The following HIPK2 variants were observed in gnomAD, a reference collection of about 807,000 sequenced individuals.
HIPK2 encodes homeodomain interacting protein kinase 2.
In HIPK2, 27 loss-of-function variants were observed where a neutral mutation model predicts 113.7. The ratio of observed to expected loss-of-function variants is 0.24; its 90% CI spans 0.17 to 0.33. The LOEUF is 0.33. Ranked by LOEUF, HIPK2 falls within the 10% of genes least tolerant of loss-of-function variation. The probability of loss-of-function intolerance (pLI) is 1.00; values close to 1 mark genes in which losing one functional copy is unlikely to be tolerated. For synonymous variants in HIPK2, 631 were observed against 642.2 expected (o/e 0.98, Z 0.26); for missense variants, 1,257 against 1,588.0 (o/e 0.79, Z 3.54).
At chr7:139,752,125 T>C (rs1333101174) in intron 1 of HIPK2, among the ~76,000 whole-genome samples, 1 of 152,210 alleles carries the variant, frequency 6.6e-6, no homozygotes, top group Non-Finnish European at 1.5e-5. Flanking sequence ...CTAAATACCT[T>C]TTCTCTAAGA....
At chr7:139,760,218 A>G (rs1796441927) in intron 1 of HIPK2, among the ~76,000 whole-genome samples, 1 of 152,104 alleles carries the variant, frequency 6.6e-6, no homozygotes, top group South Asian at 2.1e-4. Flanking sequence ...GTTAGCCAGG[A>G]TGGTCTCAAT....
intron 1 of HIPK2, among the ~76,000 whole-genome samples, chr7:139,717,814 G>A (rs529743397): frequency 6.6e-6 from 1 of 151,938 alleles, no homozygotes; most frequent in Non-Finnish European, 1.5e-5. Flanking sequence ...GCATGATCTC[G>A]GCTCACTGCC....
chr7:139,616,001 G>A (rs756805375), intron 7 of HIPK2, among the ~76,000 whole-genome samples: 8 of 152,086 alleles, frequency 5.3e-5, no homozygotes, highest in Non-Finnish European at 1.0e-4. Context: ...TCCATATCGC[G>A]ATCTCTTCCG....
intron 1 of HIPK2, among the ~76,000 whole-genome samples, chr7:139,750,153 G>A (rs1287781249): frequency 6.6e-6 from 1 of 152,148 alleles, no homozygotes; most frequent in Non-Finnish European, 1.5e-5. Context: ...GGTGTCCCTG[G>A]GTAAATGGTG....
intron 2 of HIPK2, among the ~76,000 whole-genome samples, chr7:139,636,190 A>C (rs953621067): frequency 3.3e-5 from 5 of 151,890 alleles, no homozygotes; most frequent in Non-Finnish European, 7.4e-5. Flanking sequence ...TCCTGCCCTG[A>C]AACACTTATT....
At chr7:139,777,499 TG>T in intron 1 of HIPK2, 105 bp downstream of exon 1, 1 of 336,818 alleles carries the variant, frequency 3.0e-6, no homozygotes, top group Non-Finnish European at 4.2e-6. Context: ...GGGTGGGGGC[TG>T]GGGCAGGCGC....
intron 2 of HIPK2, among the ~76,000 whole-genome samples, chr7:139,650,669 C>T (rs1190774294): frequency 2.0e-5 from 3 of 152,194 alleles, no homozygotes; most frequent in African/African-American, 7.2e-5. Context: ...GCAGAAATGA[C>T]AATGTGTGGC....
At chr7:139,691,813 A>G (rs1417919393) in intron 2 of HIPK2, among the ~76,000 whole-genome samples, 2 of 152,258 alleles carry the variant, frequency 1.3e-5, no homozygotes, top group South Asian at 4.1e-4. Flanking sequence ...TGATTAAATG[A>G]AACTGTATAC....
Position 139,620,652 on chromosome 7 carries a change from A to G in HIPK2, c.1620-89T>C, listed in dbSNP as rs536093902. 1.4e-4 allele frequency: 203 copies of G among 1,498,116 alleles called. No individual in the cohort carries two copies. The African/African-American group carries it at 2.7e-3, about 20-fold the overall frequency. 92.8% of individuals were successfully genotyped at this position (1,498,116 alleles called of 1,614,324 possible). On this transcript the variant is annotated intron_variant, in intron 6 of 14. Coordinates refer to ENST00000406875, the MANE Select transcript of HIPK2 (RefSeq NM_022740.5). ...TGAAGGGGAGAAAACAAAGGAAAGG[A>G]GAGAAGGGTTAATTCAGTAAACAGG...
At chr7:139,609,926 T>C (rs1799756303) in intron 9 of HIPK2, among the ~76,000 whole-genome samples, 1 of 152,232 alleles carries the variant, frequency 6.6e-6, no homozygotes, top group Non-Finnish European at 1.5e-5. Flanking sequence ...CATCAACTTA[T>C]TTAACCAATC....
intron 2 of HIPK2, among the ~76,000 whole-genome samples, chr7:139,655,429 C>T (rs1585335436): frequency 6.6e-6 from 1 of 152,220 alleles, no homozygotes. Flanking sequence ...CTGCTGCCTG[C>T]AGTTCTGCAG....
intron 7 of HIPK2, among the ~76,000 whole-genome samples, chr7:139,619,317 A>G (rs1250055861): frequency 6.6e-6 from 1 of 152,208 alleles, no homozygotes; most frequent in African/African-American, 2.4e-5. Flanking sequence ...TTCCAGATTG[A>G]TATTAAGAAC....
intron 1 of HIPK2, among the ~76,000 whole-genome samples, chr7:139,767,893 G>A (rs1796578581): frequency 6.6e-6 from 1 of 152,244 alleles, no homozygotes; most frequent in Admixed American, 6.5e-5. Context: ...CAAGGCCCAA[G>A]CTCACCCCTC....
chr7:139,765,389 C>A (rs1796537005), intron 1 of HIPK2, among the ~76,000 whole-genome samples: 1 of 152,182 alleles, frequency 6.6e-6, no homozygotes, highest in African/African-American at 2.4e-5. Flanking sequence ...AGCTTCTAAT[C>A]TTAGAAATTT....
At chr7:139,722,709 C>A (rs995583866) in intron 1 of HIPK2, among the ~76,000 whole-genome samples, 1 of 151,874 alleles carries the variant, frequency 6.6e-6, no homozygotes, top group African/African-American at 2.4e-5. Context: ...TATGCTTACC[C>A]TGTTAGGCCA....
At chr7:139,654,356 T>C (rs1018279811) in intron 2 of HIPK2, among the ~76,000 whole-genome samples, 21 of 151,560 alleles carry the variant, frequency 1.4e-4, no homozygotes, top group African/African-American at 4.4e-4. Context: ...CAAAAAAAAA[T>C]CAAAACATTA....
Position 139,626,603 on chromosome 7 carries a change from T to C in HIPK2, c.1617A>G (p.Thr539=). 6.2e-7 allele frequency: 1 copy of C among 1,613,294 alleles called. No individual in the cohort carries two copies. The change falls in exon 6 of 15, where the codon ACA becomes ACG. Residue 539 remains threonine (T), a splice_region_variant and synonymous_variant. Coordinates refer to ENST00000406875, the MANE Select transcript of HIPK2 (RefSeq NM_022740.5). ...GAAGCATCAGGCAGGACACCTACTG[T>C]GTGCTGTGGGGAAAATCGAGTAAGT... is the stretch of plus-strand genomic sequence containing the variant. ...MTHLLDFPHS[T]HVKSCFQNME... is the part of the protein sequence containing the mutation.
At chr7:139,698,332 C>A (rs1794619140) in intron 2 of HIPK2, among the ~76,000 whole-genome samples, 1 of 152,168 alleles carries the variant, frequency 6.6e-6, no homozygotes, top group South Asian at 2.1e-4. Context: ...TATGTCTATA[C>A]CACCATTTGC....
chr7:139,705,614 TG>T (rs987465364), intron 2 of HIPK2, among the ~76,000 whole-genome samples: 3 of 152,060 alleles, frequency 2.0e-5, no homozygotes, highest in African/African-American at 4.8e-5. Context: ...CCTGACCTCG[TG>T]ATCCGCCCGC....
Sources: allele counts gnomAD v4.1 joint callset (sites outside exome capture counted in the v4.1 genomes callset), GRCh38; gene constraint gnomAD v4.1.1; transcripts MANE v1.5; gene names NCBI Gene and HGNC (gene_info 2026-07-23, HGNC 2026-07-21).